VRK1: variants seen among roughly 807,000 people sequenced by gnomAD.
The protein encoded by VRK1 is serine/threonine-protein kinase VRK1.
In VRK1, 33 loss-of-function variants were observed where a neutral mutation model predicts 57.1. The ratio of observed to expected loss-of-function variants is 0.58; its 90% CI spans 0.44 to 0.77. The LOEUF (loss-of-function observed/expected upper bound fraction) is 0.77. Ranked by LOEUF, VRK1 falls within the 30% of genes least tolerant of loss-of-function variation. The pLI, the probability that VRK1 is intolerant of heterozygous loss-of-function variation, is 0.00. For synonymous variants in VRK1, 137 were observed against 147.8 expected, an observed-to-expected ratio of 0.93 and a Z score of 0.53; for missense variants, 413 against 477.3, an observed-to-expected ratio of 0.87 and a Z score of 1.25.
intron 2 of VRK1, among the ~76,000 whole-genome samples, chr14:96,834,851 C>A (rs1196084405): frequency 6.6e-6 from 1 of 152,026 alleles, no homozygotes; most frequent in African/African-American, 2.4e-5. Flanking sequence ...TATTTTTGAT[C>A]TTGTGATGGA....
chr14:96,873,255 GTCT>G (rs1418708552), intron 11 of VRK1, among the ~76,000 whole-genome samples: 4 of 152,106 alleles, frequency 2.6e-5, no homozygotes, highest in Non-Finnish European at 5.9e-5. Context: ...ACAGCTTTAA[GTCT>G]ACAGCAGGTC....
In VRK1 at chr14:96,855,277, TAAAGAATAC is replaced by T; in HGVS notation, c.637_645del (p.Tyr213_Glu215del). On this transcript the variant is annotated inframe_deletion, in exon 8 of 13. Coordinates refer to ENST00000216639, the MANE Select transcript of VRK1 (RefSeq NM_003384.3). ...ATCGGTACTGCCCAGAAGGAGTTCA[TAAAGAATAC>T]AAAGAAGACCCCAAAAGATGTCACG... The T allele has an allele frequency of 6.2e-7, 1 of 1,614,070 alleles. No homozygotes were observed. Among genetic ancestry groups the T allele is most frequent in the South Asian group, 1.1e-5 (1 of 91,078 alleles).
chr14:96,858,996 T>C (rs1234189259), intron 10 of VRK1: 1 of 152,218 alleles, frequency 6.6e-6, no homozygotes, highest in Non-Finnish European at 1.5e-5. Context: ...CTGACATCTT[T>C]ATACTGTTGA....
At position 96,846,125 on chromosome 14, in the gene VRK1, G is replaced by A. The variant is rs2139779137; in HGVS notation, c.247G>A (p.Glu83Lys). ...EPSDNGPLFT[E>K]LKFYQRAAKP... ...CAGTGACAATGGACCTCTTTTTACT[G>A]AATTAAAGTTCTACCAACGAGCTGC... Residue 83 changes from glutamate (E) to lysine (K), a missense_variant, in exon 4 of 13, where the codon GAA (glutamate) becomes AAA (lysine). Coordinates refer to ENST00000216639, the MANE Select transcript of VRK1 (RefSeq NM_003384.3). The A allele has an allele frequency of 6.2e-7, 1 of 1,613,284 alleles. No homozygotes were observed. Among genetic ancestry groups the A allele is most frequent in the Non-Finnish European group, 8.5e-7 (1 of 1,179,552 alleles).
chr14:96,820,312 A>G (rs542973288), intron 1 of VRK1, among the ~76,000 whole-genome samples: 2 of 152,238 alleles, frequency 1.3e-5, no homozygotes, highest in South Asian at 2.1e-4. Context: ...CAAATGCTGA[A>G]TGACTGTAGA....
intron 11 of VRK1, among the ~76,000 whole-genome samples, chr14:96,875,709 T>C (rs1159358303): frequency 6.6e-6 from 1 of 152,228 alleles, no homozygotes; most frequent in African/African-American, 2.4e-5. Context: ...AAAGAGTTTC[T>C]GTATGATTAG....
intron 11 of VRK1, among the ~76,000 whole-genome samples, chr14:96,870,216 G>C (rs1294399057): frequency 6.6e-6 from 1 of 152,064 alleles, no homozygotes; most frequent in Non-Finnish European, 1.5e-5. Context: ...CATAAATGAT[G>C]GGACTAAAAC....
chr14:96,858,375 T>G (rs1249859495), intron 10 of VRK1, among the ~76,000 whole-genome samples: 1 of 152,234 alleles, frequency 6.6e-6, no homozygotes, highest in African/African-American at 2.4e-5. Flanking sequence ...ATTGTAGGCA[T>G]CAGCCACTGC....
chr14:96,866,539 G>A (rs1409558730), intron 11 of VRK1, among the ~76,000 whole-genome samples: 4 of 152,158 alleles, frequency 2.6e-5, no homozygotes, highest in African/African-American at 4.8e-5. Flanking sequence ...AGGATAATTA[G>A]TGATTTTGAT....
At chr14:96,835,567 C>T (rs536210149) in intron 2 of VRK1, among the ~76,000 whole-genome samples, 1 of 152,252 alleles carries the variant, frequency 6.6e-6, no homozygotes, top group African/African-American at 2.4e-5. Flanking sequence ...AGCCACTGGC[C>T]TATAAGGGAT....
intron 2 of VRK1, 39 bp downstream of exon 2, chr14:96,833,670 TTA>T (rs755632657): frequency 3.1e-6 from 5 of 1,612,452 alleles, no homozygotes; most frequent in Non-Finnish European, 4.2e-6. Flanking sequence ...ATCCAAAGAT[TTA>T]TATGTTTTCT....
intron 1 of VRK1, among the ~76,000 whole-genome samples, chr14:96,820,875 A>T (rs1388226459): frequency 6.6e-6 from 1 of 152,154 alleles, no homozygotes. Flanking sequence ...TTTTGTTCTG[A>T]ATTTCCTAGC....
intron 12 of VRK1, among the ~76,000 whole-genome samples, chr14:96,878,170 T>G (rs955540940): frequency 6.6e-6 from 1 of 152,098 alleles, no homozygotes; most frequent in African/African-American, 2.4e-5. Flanking sequence ...TAATCATAAG[T>G]GAGAGAAATA....
chr14:96,834,273 T>G (rs1887128015), intron 2 of VRK1, among the ~76,000 whole-genome samples: 1 of 152,228 alleles, frequency 6.6e-6, no homozygotes, highest in South Asian at 2.1e-4. Flanking sequence ...TTTCTAACTT[T>G]TCCATTCTGT....
intron 12 of VRK1, among the ~76,000 whole-genome samples, chr14:96,878,802 AT>A (rs1407810542): frequency 2.0e-5 from 3 of 152,092 alleles, no homozygotes; most frequent in Non-Finnish European, 2.9e-5. Context: ...GCTGCAAGTA[AT>A]TTTTCCCCTC....
chr14:96,804,441 A>G (rs767827973), intron 1 of VRK1, among the ~76,000 whole-genome samples: 2 of 152,226 alleles, frequency 1.3e-5, no homozygotes, highest in Non-Finnish European at 2.9e-5. Flanking sequence ...AAAGTGGGAA[A>G]ACATTTTAGA....
chr14:96,798,927 A>G (rs1176020189), intron 1 of VRK1, among the ~76,000 whole-genome samples: 5 of 152,242 alleles, frequency 3.3e-5, no homozygotes, highest in Non-Finnish European at 7.3e-5. Context: ...TGATGCTACC[A>G]CAGATGGTAT....
At position 96,856,115 on chromosome 14, in the gene VRK1, C is replaced by T. The variant is rs757988438; in HGVS notation, c.710-15C>T. On this transcript the variant is annotated splice_polypyrimidine_tract_variant and intron_variant, in intron 8 of 12. Coordinates refer to ENST00000216639, the MANE Select transcript of VRK1 (RefSeq NM_003384.3). ...TTATTTCAGTCTACCTAATGTTCTT[C>T]TCTTGCATTTGTAGCCCCATCAAGA... The T allele has an allele frequency of 6.2e-7, 1 of 1,613,292 alleles. No homozygotes were observed. The highest frequency in any genetic ancestry group is 8.5e-7 in the Non-Finnish European group (1 of 1,179,562).
At chr14:96,819,566 C>T (rs1886518670) in intron 1 of VRK1, among the ~76,000 whole-genome samples, 1 of 152,106 alleles carries the variant, frequency 6.6e-6, no homozygotes, top group Non-Finnish European at 1.5e-5. Flanking sequence ...AATTTTAAAT[C>T]ATTATAACTA....
Sources: allele counts gnomAD v4.1 joint callset (sites outside exome capture counted in the v4.1 genomes callset), GRCh38; gene constraint gnomAD v4.1.1; transcripts MANE v1.5; gene names NCBI Gene and HGNC (gene_info 2026-07-23, HGNC 2026-07-21).